Variants in HIPK2 observed in about 807,000 individuals in gnomAD.
HIPK2 encodes homeodomain interacting protein kinase 2, also known as homeodomain-interacting protein kinase 2.
HIPK2 carries 27 observed loss-of-function variants against 113.7 expected under a neutral mutation model. The observed-to-expected ratio is 0.24, with a 90% confidence interval of 0.17 to 0.33. HIPK2 has a LOEUF of 0.33. Among genes scored for constraint, HIPK2 ranks in the 10% least tolerant of loss-of-function variants. The pLI is 1.00. For missense variants in HIPK2, 1,257 were observed against 1,588.0 expected (o/e 0.79, Z 3.54); for synonymous variants, 631 against 642.2 (o/e 0.98, Z 0.26).
intron 2 of HIPK2, among the ~76,000 whole-genome samples, chr7:139,655,307 A>T (rs2116502648): frequency 6.6e-6 from 1 of 152,380 alleles, no homozygotes; most frequent in Non-Finnish European, 1.5e-5. Flanking sequence ...GCTAGTTATG[A>T]TAAACAAACA....
chr7:139,572,897 C>CG lies in HIPK2; in HGVS notation c.*29_*30insC. 8 of 571,114 alleles carry CG rather than the reference C, an allele frequency of 1.4e-5. No individual in the cohort carries two copies. The highest frequency in any genetic ancestry group is 2.3e-5 in the Non-Finnish European group (7 of 308,980). The allele number at this position is 571,114 out of a possible 1,614,324, so 35.4% of individuals were successfully genotyped here. On this transcript the variant is annotated 3_prime_UTR_variant, in exon 15 of 15. Coordinates refer to ENST00000406875, the MANE Select transcript of HIPK2 (RefSeq NM_022740.5). ...CCTCCTCCCTCGGGCCATTCTCTCCCTCCCTCCCTCCCTCCCTCCCCTCCA... is the reference window on the plus strand; with the variant it reads ...CCTCCTCCCTCGGGCCATTCTCTCCCGTCCCTCCCTCCCTCCCTCCCCTCCA...
At chr7:139,760,495 C>G (rs993663016) in intron 1 of HIPK2, among the ~76,000 whole-genome samples, 2 of 152,112 alleles carry the variant, frequency 1.3e-5, no homozygotes, top group Non-Finnish European at 2.9e-5. Context: ...AATACATACC[C>G]TTAGTGGAAT....
At chr7:139,612,900 T>G (rs748920759) in intron 9 of HIPK2, among the ~76,000 whole-genome samples, 1 of 152,200 alleles carries the variant, frequency 6.6e-6, no homozygotes, top group Non-Finnish European at 1.5e-5. Flanking sequence ...CCTTAGGTCA[T>G]AGACAAGTTA....
intron 13 of HIPK2, among the ~76,000 whole-genome samples, chr7:139,582,393 T>C (rs1798696207): frequency 6.6e-6 from 1 of 152,222 alleles, no homozygotes; most frequent in Non-Finnish European, 1.5e-5. Flanking sequence ...AGCTGCGTGC[T>C]GCTTGTGTGT....
intron 12 of HIPK2, among the ~76,000 whole-genome samples, chr7:139,591,591 C>T (rs952533828): frequency 6.6e-6 from 1 of 152,186 alleles, no homozygotes; most frequent in African/African-American, 2.4e-5. Flanking sequence ...GGTGAAGTGT[C>T]TCTTCTTCAA....
intron 6 of HIPK2, among the ~76,000 whole-genome samples, chr7:139,622,801 T>C (rs1417791220): frequency 6.6e-6 from 1 of 152,170 alleles, no homozygotes; most frequent in Non-Finnish European, 1.5e-5. Flanking sequence ...AGACCCACCT[T>C]TCCTTCTTAG....
intron 2 of HIPK2, among the ~76,000 whole-genome samples, chr7:139,632,659 C>T (rs1800657438): frequency 6.6e-6 from 1 of 152,186 alleles, no homozygotes; most frequent in Non-Finnish European, 1.5e-5. Flanking sequence ...TGGTAATCAA[C>T]ACTAAAGAGA....
chr7:139,643,599 G>T (rs990400609), intron 2 of HIPK2, among the ~76,000 whole-genome samples: 3 of 152,154 alleles, frequency 2.0e-5, no homozygotes, highest in Non-Finnish European at 4.4e-5. Flanking sequence ...GAGCATACTG[G>T]CCTCTAAATT....
intron 1 of HIPK2, among the ~76,000 whole-genome samples, chr7:139,740,803 A>G (rs1796078662): frequency 6.6e-6 from 1 of 152,178 alleles, no homozygotes; most frequent in Non-Finnish European, 1.5e-5. Context: ...CTGGCAGTAA[A>G]CAAACACTCA....
chr7:139,698,997 C>A (rs1794634013), intron 2 of HIPK2, among the ~76,000 whole-genome samples: 1 of 152,078 alleles, frequency 6.6e-6, no homozygotes, highest in African/African-American at 2.4e-5. Context: ...TGAGTAGGAC[C>A]TTGAAGGACG....
intron 1 of HIPK2, among the ~76,000 whole-genome samples, chr7:139,775,640 A>T (rs919859860): frequency 8.5e-5 from 13 of 152,306 alleles, no homozygotes; most frequent in African/African-American, 3.1e-4. Context: ...GCTGGCAAAT[A>T]AAAACAGTTC....
At chr7:139,623,504 T>G (rs1293044813) in intron 6 of HIPK2, among the ~76,000 whole-genome samples, 2 of 118,694 alleles carry the variant, frequency 1.7e-5, no homozygotes, top group African/African-American at 3.4e-5. Context: ...TGCAACAGAG[T>G]GAGACTCTAC....
Position 139,599,320 on chromosome 7 carries a change from C to T in HIPK2, c.2435+1097G>A, listed in dbSNP as rs555540160. 8.5e-5 allele frequency among the ~76,000 whole-genome samples: 13 copies of T among 152,280 alleles called. No individual in the cohort carries two copies. The South Asian group carries it at 2.7e-3, about 32-fold the overall frequency. On this transcript the variant is annotated intron_variant, in intron 11 of 14. Transcript: ENST00000406875. ...CTTTGAAGTGTTTGATGAGTTTTGA[C>T]AAATGCACAGTCATAACCCCCCCTA...
chr7:139,710,143 T>C (rs1229825807), intron 2 of HIPK2, among the ~76,000 whole-genome samples: 1 of 152,192 alleles, frequency 6.6e-6, no homozygotes, highest in Non-Finnish European at 1.5e-5. Flanking sequence ...TGTTCCAGAA[T>C]TTACAATGGC....
intron 2 of HIPK2, among the ~76,000 whole-genome samples, chr7:139,644,765 G>C (rs1034816491): frequency 2.0e-5 from 3 of 152,178 alleles, no homozygotes; most frequent in Non-Finnish European, 4.4e-5. Context: ...TCTCTGCACT[G>C]GCAAGGGATT....
At position 139,683,210 on chromosome 7, in the gene HIPK2, C is replaced by T. The variant is rs1009096202; in HGVS notation, c.1103+32722G>A. Among the ~76,000 whole-genome samples, 5 of 152,172 alleles carry T rather than the reference C, an allele frequency of 3.3e-5. No homozygotes were observed. Among genetic ancestry groups the T allele is most frequent in the Non-Finnish European group, 7.3e-5 (5 of 68,038 alleles). ...CTGCTTCATGCTTAACTATATAACACGCGTGCCACACACGAGGATAAAAAT... is the reference window on the plus strand; with the variant it reads ...CTGCTTCATGCTTAACTATATAACATGCGTGCCACACACGAGGATAAAAAT... On this transcript the variant is annotated intron_variant, in intron 2 of 14. Transcript: ENST00000406875. The surrounding 1 kb of genome is among the most constrained non-coding windows in gnomAD (Gnocchi z 4.2).
intron 1 of HIPK2, among the ~76,000 whole-genome samples, chr7:139,746,243 C>T (rs994259252): frequency 6.6e-6 from 1 of 152,198 alleles, no homozygotes; most frequent in Non-Finnish European, 1.5e-5. Flanking sequence ...GTCCCCCAGC[C>T]GGGCCTTGTG....
rs1801760161 is a variant in HIPK2, at chr7:139,658,719, TGTAC to T, written c.1104-26998_1104-26995del. On this transcript the variant is annotated intron_variant, in intron 2 of 14. Transcript: ENST00000406875. ...TGAAGGTGGGGATAAGATCTTGTTT[TGTAC>T]ATCCTAATTCTGAGTGCCCTTTTAT... Among the ~76,000 whole-genome samples, 16 of 152,342 alleles carry T rather than the reference TGTAC, an allele frequency of 1.1e-4. No individual in the cohort carries two copies. The South Asian group carries it at 3.3e-3, about 32-fold the overall frequency.
chr7:139,776,080 A>G (rs1300738395), intron 1 of HIPK2, among the ~76,000 whole-genome samples: 1 of 152,216 alleles, frequency 6.6e-6, no homozygotes, highest in African/African-American at 2.4e-5. Flanking sequence ...GTAGACGCAG[A>G]TGAACAATGA....
Sources: allele counts gnomAD v4.1 joint callset (sites outside exome capture counted in the v4.1 genomes callset), GRCh38; gene constraint gnomAD v4.1.1; non-coding constraint Gnocchi (gnomAD v3.1); transcripts MANE v1.5; gene names NCBI Gene and HGNC (gene_info 2026-07-23, HGNC 2026-07-21).